The following PKP4 variants were observed in gnomAD, a reference collection of about 807,000 sequenced individuals.
PKP4 encodes the protein plakophilin 4.
A neutral mutation model predicts 145.1 loss-of-function variants in PKP4; 90 were observed. The ratio of observed to expected loss-of-function variants is 0.62; its 90% CI spans 0.52 to 0.74. The LOEUF is 0.74. PKP4 is among the 30% of genes least tolerant of loss of function. The pLI, the probability that PKP4 is intolerant of heterozygous loss-of-function variation, is 0.00. For synonymous variants in PKP4, 563 were observed against 577.2 expected (o/e 0.98, Z 0.35); for missense variants, 1,340 against 1,482.7 (o/e 0.90, Z 1.58).
intron 1 of PKP4, among the ~76,000 whole-genome samples, chr2:158,471,026 A>G (rs568687228): frequency 6.6e-6 from 1 of 152,322 alleles, no homozygotes; most frequent in East Asian, 1.9e-4. Context: ...CTACAAACAC[A>G]GCTTCAATGC....
At chr2:158,610,882 C>T (rs2051083853) in intron 4 of PKP4, among the ~76,000 whole-genome samples, 1 of 152,228 alleles carries the variant, frequency 6.6e-6, no homozygotes, top group African/African-American at 2.4e-5. Flanking sequence ...CTGGAATGTG[C>T]TGCTCTGTCC....
intron 4 of PKP4, among the ~76,000 whole-genome samples, chr2:158,606,052 TG>T (rs1254753999): frequency 6.6e-6 from 1 of 152,222 alleles, no homozygotes; most frequent in Non-Finnish European, 1.5e-5. Context: ...TTGTCTGTTA[TG>T]AATAATGCTT....
intron 11 of PKP4, among the ~76,000 whole-genome samples, chr2:158,644,720 A>G (rs2054665933): frequency 6.6e-6 from 1 of 152,224 alleles, no homozygotes; most frequent in African/African-American, 2.4e-5. Flanking sequence ...TTGGAATAAT[A>G]AAAATAGATT....
rs772286700 is a variant in PKP4 at position 158,677,707 on chromosome 2, G to A, written c.3256+840G>A. Among the ~76,000 whole-genome samples, 153 of 152,310 alleles carry A rather than the reference G, an allele frequency of 1.0e-3. 1 individual carries two copies. Among genetic ancestry groups the A allele is most frequent in the Non-Finnish European group, 1.8e-3 (122 of 68,040 alleles). ...TCACAGGACTATTTACTAATCGACT[G>A]TTGTTACTATGGCAATTAATAGCTC... is the stretch of plus-strand genomic sequence containing the variant. On this transcript the variant is annotated intron_variant, in intron 20 of 21. Coordinates refer to ENST00000389759, the MANE Select transcript of PKP4 (RefSeq NM_003628.6).
chr2:158,476,090 A>C (rs2105419265), intron 1 of PKP4, among the ~76,000 whole-genome samples: 1 of 152,362 alleles, frequency 6.6e-6, no homozygotes, highest in Non-Finnish European at 1.5e-5. Flanking sequence ...ATATTAAAGC[A>C]GCTATTTTCC....
At chr2:158,602,833 C>G (rs1423795719) in intron 3 of PKP4, among the ~76,000 whole-genome samples, 2 of 152,018 alleles carry the variant, frequency 1.3e-5, no homozygotes, top group Non-Finnish European at 2.9e-5. Flanking sequence ...TTGTCTTCTT[C>G]AAGTAGAATT....
At chr2:158,587,272 A>G (rs1295000737) in intron 3 of PKP4, among the ~76,000 whole-genome samples, 1 of 152,142 alleles carries the variant, frequency 6.6e-6, no homozygotes, top group East Asian at 1.9e-4. Flanking sequence ...TATGTATATC[A>G]TGCCATTATT....
chr2:158,485,847 C>T (rs1226111917), intron 1 of PKP4, among the ~76,000 whole-genome samples: 3 of 152,148 alleles, frequency 2.0e-5, no homozygotes, highest in African/African-American at 7.2e-5. Context: ...TGTTCAGTAA[C>T]ACCCATCCTT....
chr2:158,565,392 G>A (rs1051853418), intron 2 of PKP4, among the ~76,000 whole-genome samples: 15 of 148,092 alleles, frequency 1.0e-4, no homozygotes, highest in African/African-American at 1.5e-4. Flanking sequence ...TCTGAACAAC[G>A]TATATATTCA....
intron 4 of PKP4, 79 bp from the exon 5 acceptor site, chr2:158,620,911 T>C: frequency 7.9e-7 from 1 of 1,258,182 alleles, no homozygotes. Flanking sequence ...AAGATGCTGT[T>C]GACAAACATC....
chr2:158,565,876 T>A (rs184056885), intron 2 of PKP4, among the ~76,000 whole-genome samples: 1 of 152,008 alleles, frequency 6.6e-6, no homozygotes, highest in South Asian at 2.1e-4. Context: ...TAGAAAGGAG[T>A]GATGATATTA....
chr2:158,608,470 G>T (rs1467920008), intron 4 of PKP4, among the ~76,000 whole-genome samples: 2 of 152,096 alleles, frequency 1.3e-5, no homozygotes, highest in East Asian at 3.8e-4. Flanking sequence ...CTCGCCACAG[G>T]TGTGTCCATA....
intron 1 of PKP4, among the ~76,000 whole-genome samples, chr2:158,480,036 G>T (rs138511579): frequency 9.2e-5 from 14 of 152,216 alleles, no homozygotes; most frequent in African/African-American, 2.9e-4. Context: ...ATTCTGAACT[G>T]CTACTGCTTT....
At chr2:158,650,139 G>A (rs764301343) in intron 11 of PKP4, among the ~76,000 whole-genome samples, 5 of 152,178 alleles carry the variant, frequency 3.3e-5, no homozygotes, top group South Asian at 2.1e-4. Context: ...CCCCACTGCC[G>A]TTTCTGCCCC....
At chr2:158,480,805 A>G (rs1430309567) in intron 1 of PKP4, among the ~76,000 whole-genome samples, 1 of 151,962 alleles carries the variant, frequency 6.6e-6, no homozygotes, top group Admixed American at 6.5e-5. Flanking sequence ...CACCATCCCT[A>G]TCTAATTCCA....
chr2:158,529,083 G>T (rs1367613598), intron 1 of PKP4, among the ~76,000 whole-genome samples: 1 of 152,172 alleles, frequency 6.6e-6, no homozygotes, highest in Non-Finnish European at 1.5e-5. Flanking sequence ...TCTGATTAAA[G>T]ATCTCTCATC....
At chr2:158,458,491 G>T (rs6437182) in intron 1 of PKP4, among the ~76,000 whole-genome samples, 138,246 of 152,230 alleles carry the variant, frequency 0.91, 62,864 homozygotes, top group East Asian at 0.98. Context: ...CAGGGCTGTT[G>T]GCAAGTTTGG....
chr2:158,534,016 T>A (rs1024463708), intron 2 of PKP4, among the ~76,000 whole-genome samples: 1 of 152,104 alleles, frequency 6.6e-6, no homozygotes, highest in African/African-American at 2.4e-5. Context: ...GTTTTTTTGT[T>A]TTTTTTTCCC....
intron 12 of PKP4, 25 bp from the exon 13 acceptor site, chr2:158,661,308 G>C (rs980183296): frequency 3.2e-6 from 5 of 1,542,432 alleles, no homozygotes; most frequent in Admixed American, 1.7e-5. Context: ...CATCTCAGCA[G>C]CTCCTCCTGT....
Sources: gnomAD v4.1 joint callset for allele counts (sites outside exome capture counted in the v4.1 genomes callset) on GRCh38, gnomAD v4.1.1 for gene constraint, MANE v1.5 for transcripts, NCBI Gene and HGNC (gene_info 2026-07-23, HGNC 2026-07-21) for gene names.